PARP1: variants seen among roughly 807,000 people sequenced by gnomAD.
The protein encoded by PARP1 is poly(ADP-ribose) polymerase 1, also known as poly [ADP-ribose] polymerase 1.
PARP1 carries 44 observed loss-of-function variants against 118.7 expected under a neutral mutation model. That is an observed-to-expected ratio of 0.37 (90% CI 0.29 to 0.48). The LOEUF (loss-of-function observed/expected upper bound fraction) is 0.48, where lower values mean the gene tolerates loss of function less well. PARP1 is among the 20% of genes least tolerant of loss of function. The pLI is 0.99. For synonymous variants in PARP1, 492 were observed against 483.2 expected, an observed-to-expected ratio of 1.02 and a Z score of -0.24; for missense variants, 1,100 against 1,272.4, an observed-to-expected ratio of 0.86 and a Z score of 2.06.
At chr1:226,374,154 C>T in intron 14 of PARP1, 72 bp downstream of exon 14, 1 of 1,553,536 alleles carries the variant, frequency 6.4e-7, no homozygotes, top group Non-Finnish European at 8.9e-7. Context: ...AACAGGCAGA[C>T]AGCTCTTCAC....
At position 226,363,654 on chromosome 1, in the gene PARP1, T is replaced by C. The variant is rs558700506; in HGVS notation, c.2786+289A>G. Among the ~76,000 whole-genome samples, 7 of 152,302 alleles carry C rather than the reference T, an allele frequency of 4.6e-5. 1 individual carries two copies. The East Asian group carries it at 1.4e-3, about 29-fold the overall frequency. Reference sequence around the variant, plus strand: ...GTGGAGGAGGCGGCCTGGGGGATCATCCTTTGTGCAACTCAATCTCTCTGC... The same window carrying C: ...GTGGAGGAGGCGGCCTGGGGGATCACCCTTTGTGCAACTCAATCTCTCTGC... On this transcript the variant is annotated intron_variant, in intron 20 of 22. Transcript: ENST00000366794.
At chr1:226,390,253 C>G (rs1198325969) in intron 4 of PARP1, among the ~76,000 whole-genome samples, 157 bp downstream of exon 4, 2 of 152,144 alleles carry the variant, frequency 1.3e-5, no homozygotes, top group African/African-American at 4.8e-5. Context: ...CCTTTGCCCC[C>G]ACATCTCTGC....
chr1:226,363,084 T>A lies in PARP1; in HGVS notation c.2848+15A>T. 1.2e-6 allele frequency: 2 copies of A among 1,606,736 alleles called. No homozygotes were observed. Among genetic ancestry groups the A allele is most frequent in the African/African-American group, 1.3e-5 (1 of 74,896 alleles). ...GGTGCCTCGGGCTGTAGCAACAGCT[T>A]TGGAAACACTTTACCTTTGACACTG... On this transcript the variant is annotated intron_variant, in intron 21 of 22. Coordinates refer to ENST00000366794, the MANE Select transcript of PARP1 (RefSeq NM_001618.4).
chr1:226,385,823 C>T, intron 6 of PARP1, 143 bp from the exon 7 acceptor site: 1 of 759,636 alleles, frequency 1.3e-6, no homozygotes, highest in East Asian at 2.7e-5. Context: ...CTATGGGGCT[C>T]TTAACACCCC....
intron 5 of PARP1, among the ~76,000 whole-genome samples, chr1:226,387,554 G>A (rs317210): frequency 6.6e-6 from 1 of 152,180 alleles, no homozygotes; most frequent in Admixed American, 6.5e-5. Flanking sequence ...TCATTTTTAA[G>A]GGGTCTCTCG....
intron 4 of PARP1, among the ~76,000 whole-genome samples, chr1:226,389,058 G>T (rs536824741): frequency 6.6e-6 from 1 of 151,578 alleles, no homozygotes; most frequent in South Asian, 2.1e-4. Flanking sequence ...CCAGGGCTCA[G>T]ACCCCGTCTG....
chr1:226,404,836 G>A (rs1665111907), intron 1 of PARP1, among the ~76,000 whole-genome samples: 1 of 152,236 alleles, frequency 6.6e-6, no homozygotes, highest in Non-Finnish European at 1.5e-5. Context: ...AGCAGCTGGT[G>A]AACTGGGTTC....
intron 9 of PARP1, among the ~76,000 whole-genome samples, chr1:226,380,852 C>CA (rs1664589920): frequency 6.6e-6 from 1 of 152,096 alleles, no homozygotes; most frequent in Non-Finnish European, 1.5e-5. Context: ...AGTAGCTTAC[C>CA]GTCTTTAGTT....
rs754804432 is a variant in PARP1 at position 226,386,448 on chromosome 1, G to A, written c.718-6C>T. On this transcript the variant is annotated splice_region_variant and splice_polypyrimidine_tract_variant and intron_variant, in intron 5 of 22. Transcript: ENST00000366794. ...CAGATCAGGTCGTTCTGAGCCTATG[G>A]ACAAGACCCAGTGGCTGAGAGGCTA... 4.4e-6 allele frequency: 7 copies of A among 1,580,324 alleles called. No homozygotes were observed. Among genetic ancestry groups the A allele is most frequent in the South Asian group, 1.1e-5 (1 of 90,398 alleles).
At chr1:226,402,102 A>G (rs569643786) in intron 2 of PARP1, 112 bp downstream of exon 2, 2 of 1,599,354 alleles carry the variant, frequency 1.3e-6, no homozygotes, top group Non-Finnish European at 8.5e-7. Flanking sequence ...CTTGATCTGC[A>G]CATGTGGGAG....
intron 2 of PARP1, among the ~76,000 whole-genome samples, chr1:226,401,507 G>T (rs1191841375): frequency 1.3e-5 from 2 of 152,198 alleles, no homozygotes; most frequent in Non-Finnish European, 1.5e-5. Context: ...CACAGAAAGG[G>T]GTGGTAACTT....
chr1:226,398,419 T>C (rs1390856983), intron 2 of PARP1, among the ~76,000 whole-genome samples: 1 of 151,870 alleles, frequency 6.6e-6, no homozygotes, highest in East Asian at 1.9e-4. Context: ...GGTGCGCACC[T>C]GTAGTCCCAG....
Position 226,365,998 on chromosome 1 carries a change from T to C in PARP1, c.2461A>G (p.Thr821Ala). Residue 821 changes from threonine to alanine, a missense_variant, in exon 18 of 23, where the codon ACT becomes GCT. Coordinates refer to ENST00000366794, the MANE Select transcript of PARP1 (RefSeq NM_001618.4). Reference protein sequence around the residue: ...AEIIRKYVKNTHATTHNAYDL... With the variant: ...AEIIRKYVKNAHATTHNAYDL... ...TACGCATTGTGTGTGGTTGCATGAGTGTTCTTAACATACTTCCTGATGATC... is the reference window on the plus strand; with the variant it reads ...TACGCATTGTGTGTGGTTGCATGAGCGTTCTTAACATACTTCCTGATGATC... 6.2e-7 allele frequency: 1 copy of C among 1,613,516 alleles called. No homozygotes were observed. Among genetic ancestry groups the C allele is most frequent in the Non-Finnish European group, 8.5e-7 (1 of 1,179,490 alleles).
chr1:226,399,272 A>G (rs1443212658), intron 2 of PARP1, among the ~76,000 whole-genome samples: 3 of 151,786 alleles, frequency 2.0e-5, no homozygotes, highest in African/African-American at 4.8e-5. Flanking sequence ...GGGTTTCACC[A>G]TATTGGCCAG....
chr1:226,384,192 T>TG (rs1664674085), intron 7 of PARP1, among the ~76,000 whole-genome samples: 1 of 152,198 alleles, frequency 6.6e-6, no homozygotes, highest in African/African-American at 2.4e-5. Flanking sequence ...CGGTGGCATG[T>TG]GGGGTGCCCT....
intron 7 of PARP1, 30 bp downstream of exon 7, chr1:226,385,474 C>A (rs1384122260): frequency 6.2e-7 from 1 of 1,608,580 alleles, no homozygotes; most frequent in Admixed American, 1.7e-5. Flanking sequence ...TTTCTCCCAA[C>A]AGATCCCAGG....
At chr1:226,378,277 G>A (rs1664533796) in intron 12 of PARP1, among the ~76,000 whole-genome samples, 1 of 151,612 alleles carries the variant, frequency 6.6e-6, no homozygotes, top group Admixed American at 6.6e-5. Flanking sequence ...TGTACTGAGG[G>A]GCAATGAACT....
intron 4 of PARP1, 106 bp from the exon 5 acceptor site, chr1:226,388,861 A>G: frequency 1.1e-6 from 1 of 874,266 alleles, no homozygotes; most frequent in Non-Finnish European, 1.9e-6. Flanking sequence ...AACTCCCTGT[A>G]GGGCCTACTC....
In PARP1 at chr1:226,402,320, C is replaced by T; in HGVS notation, c.180G>A (p.Val60=). Residue 60 remains valine, a synonymous_variant, in exon 2 of 23, where the codon GTG becomes GTA. Coordinates refer to ENST00000366794, the MANE Select transcript of PARP1 (RefSeq NM_001618.4). ...HWYHFSCFWK[V]GHSIRHPDVE... ...CGTCAGGGTGCCGGATGGAGTGGCC[C>T]ACCTTCCAGAAGCAGGAGAAGTGGT... The T allele has an allele frequency of 6.2e-7, 1 of 1,614,042 alleles. No homozygotes were observed. The highest frequency in any genetic ancestry group is 8.5e-7 in the Non-Finnish European group (1 of 1,180,038).
Sources: gnomAD v4.1 joint callset for allele counts (sites outside exome capture counted in the v4.1 genomes callset) on GRCh38, gnomAD v4.1.1 for gene constraint, MANE v1.5 for transcripts, NCBI Gene and HGNC (gene_info 2026-07-23, HGNC 2026-07-21) for gene names.